SFI1: variants seen among roughly 807,000 people sequenced by gnomAD.
SFI1 encodes protein SFI1 homolog.
A neutral mutation model predicts 207.5 loss-of-function variants in SFI1; 195 were observed. That is an observed-to-expected ratio of 0.94 (90% CI 0.84 to 1.06). SFI1 has a LOEUF of 1.06. Ranked by LOEUF, SFI1 falls within the 50% of genes least tolerant of loss-of-function variation. The pLI is 0.00. For synonymous variants in SFI1, 630 were observed against 598.9 expected (o/e 1.05, Z -0.76); for missense variants, 1,634 against 1,588.0 (o/e 1.03, Z -0.49).
chr22:31,601,966 A>ATTTTTTTTTT (rs1221733548), intron 15 of SFI1, among the ~76,000 whole-genome samples: 5 of 151,408 alleles, frequency 3.3e-5, no homozygotes, highest in Middle Eastern at 3.4e-3. Flanking sequence ...CAATTTTAAA[A>ATTTTTTTTTT]TTTTTTTGTA....
chr22:31,603,220 G>A (rs1291077086), intron 17 of SFI1, among the ~76,000 whole-genome samples: 1 of 152,186 alleles, frequency 6.6e-6, no homozygotes, highest in Non-Finnish European at 1.5e-5. Context: ...GCAACAGAGC[G>A]AGACTCTGCC....
intron 8 of SFI1, among the ~76,000 whole-genome samples, chr22:31,563,596 T>G (rs2061954175): frequency 6.7e-6 from 1 of 149,764 alleles, no homozygotes; most frequent in African/African-American, 2.5e-5. Context: ...GTTGTTTGTT[T>G]TTTTGTTTTG....
chr22:31,598,619 C>CCA (rs1462427410), intron 15 of SFI1, among the ~76,000 whole-genome samples: 3 of 140,004 alleles, frequency 2.1e-5, no homozygotes, highest in South Asian at 4.8e-4. Flanking sequence ...CGGGGTTTCA[C>CCA]TGTTAGCCAG....
chr22:31,580,217 T>C, intron 11 of SFI1, 55 bp from the exon 12 acceptor site: 1 of 1,437,438 alleles, frequency 7.0e-7, no homozygotes, highest in Admixed American at 1.7e-5. Flanking sequence ...ACTCTTAGTT[T>C]ACAGACTCTA....
rs2072232354 is a variant in SFI1 at position 31,618,487 on chromosome 22, A to G, written c.*69A>G. 2 of 1,377,340 alleles carry G rather than the reference A, an allele frequency of 1.5e-6. No individual in the cohort carries two copies. The highest frequency in any genetic ancestry group is 2.6e-5 in the East Asian group (1 of 38,298). 85.3% of individuals were successfully genotyped at this position (1,377,340 alleles called of 1,614,324 possible). ...CTCAGGCCACCTCCAGGAACAGAAC[A>G]CAGTTTTAAGTTTGATTTTTTTTAT... On this transcript the variant is annotated 3_prime_UTR_variant, in exon 33 of 33. Coordinates refer to ENST00000400288, the MANE Select transcript of SFI1 (RefSeq NM_001007467.3).
Position 31,618,396 on chromosome 22 carries a change from C to G in SFI1, c.3707C>G (p.Ala1236Gly). 6.3e-7 allele frequency: 1 copy of G among 1,597,932 alleles called. No homozygotes were observed. Among genetic ancestry groups the G allele is most frequent in the Non-Finnish European group, 8.5e-7 (1 of 1,170,424 alleles). The change falls in exon 33 of 33, where the codon GCC becomes GGC. Residue 1236 changes from alanine (A) to glycine (G), a missense_variant. Transcript: ENST00000400288. ...GGCGCCTGCGTTGCCCGCATCCAGG[C>G]CCTGCGGCAGGCCCTGTGCTAGCGT... The part of the protein sequence containing the change: ...PIGACVARIQ[A>G]LRQALC
chr22:31,607,973 A>G lies in SFI1; in HGVS notation c.2194A>G (p.Met732Val). The G allele has an allele frequency of 3.7e-6, 6 of 1,613,886 alleles. No homozygotes were observed. Among genetic ancestry groups the G allele is most frequent in the Non-Finnish European group, 5.1e-6 (6 of 1,179,896 alleles). The part of the protein sequence containing the change: ...VQWREAVSVQ[M>V]YYRQQEDCAI... Reference sequence around the variant, plus strand: ...GTGGCGGGAAGCTGTGTCAGTGCAGATGTATTACCGACAGCAGGAGGACTG... The same window carrying G: ...GTGGCGGGAAGCTGTGTCAGTGCAGGTGTATTACCGACAGCAGGAGGACTG... Residue 732 changes from methionine (M) to valine (V), a missense_variant, in exon 22 of 33, where the codon ATG becomes GTG. Transcript: ENST00000400288.
In SFI1 at chr22:31,580,319, C is replaced by G. The variant is rs550530012; in HGVS notation, c.1203C>G (p.Leu401=). 1.3e-5 allele frequency: 21 copies of G among 1,614,016 alleles called. No individual in the cohort carries two copies. The South Asian group carries it at 2.1e-4, about 16-fold the overall frequency. ...AAGACAATGTGACCCACGCTCATCT[C>G]CAGCAAATAAGAAGGAATCTTGCTC... ...ALKDNVTHAH[L]QQIRRNLAHQ... The change falls in exon 12 of 33, where the codon CTC becomes CTG. Residue 401 remains leucine (L), a synonymous_variant. Transcript: ENST00000400288.
In SFI1 at chr22:31,603,835, G is replaced by T. The variant is rs752753380; in HGVS notation, c.1881+16G>T. The T allele has an allele frequency of 1.3e-6, 2 of 1,573,308 alleles. No homozygotes were observed. The highest frequency in any genetic ancestry group is 2.4e-5 in the East Asian group (1 of 41,488). On this transcript the variant is annotated intron_variant, in intron 18 of 32. Transcript: ENST00000400288. The stretch of plus-strand genomic sequence containing the variant: ...GTGGAGGGAGGTAAGGCTTTGGTGC[G>T]AGGTGCCACCCGTGTATGACTTTTG...
At chr22:31,510,327 T>A (rs1722778632) in intron 2 of SFI1, among the ~76,000 whole-genome samples, 1 of 152,152 alleles carries the variant, frequency 6.6e-6, no homozygotes, top group Non-Finnish European at 1.5e-5. Context: ...CCCAAAGTGC[T>A]GGGATTACAG....
chr22:31,593,129 G>A (rs2066376751), intron 15 of SFI1, among the ~76,000 whole-genome samples: 1 of 147,372 alleles, frequency 6.8e-6, no homozygotes, highest in African/African-American at 2.5e-5. Flanking sequence ...GCCGGGCGGG[G>A]GGCTGACCCC....
chr22:31,616,229 G>A (rs1345041869), intron 29 of SFI1: 1 of 152,582 alleles, frequency 6.6e-6, no homozygotes, highest in African/African-American at 2.4e-5. Flanking sequence ...TTCCTGTGGT[G>A]AGTTAGGCCA....
intron 2 of SFI1, among the ~76,000 whole-genome samples, chr22:31,509,674 T>A (rs961548114): frequency 2.0e-5 from 3 of 152,184 alleles, no homozygotes; most frequent in South Asian, 2.1e-4. Context: ...ATACTTTGCG[T>A]CCTTCAATTC....
At chr22:31,586,652 A>G (rs2065063043) in intron 14 of SFI1, among the ~76,000 whole-genome samples, 1 of 152,236 alleles carries the variant, frequency 6.6e-6, no homozygotes, top group East Asian at 1.9e-4. Context: ...CATGTAATAC[A>G]AGTTCACCAG....
chr22:31,532,559 T>G (rs2058628312), intron 4 of SFI1, among the ~76,000 whole-genome samples: 1 of 152,178 alleles, frequency 6.6e-6, no homozygotes, highest in African/African-American at 2.4e-5. Flanking sequence ...CTTACTGTAA[T>G]CTTTCCTGTT....
At position 31,528,044 on chromosome 22, in the gene SFI1, G is replaced by A. The variant is rs866528398; in HGVS notation, c.93-646G>A. On this transcript the variant is annotated intron_variant, in intron 2 of 32. Coordinates refer to ENST00000400288, the MANE Select transcript of SFI1 (RefSeq NM_001007467.3). ...CAGGAGAATTGCTTGAACCCGGGAGGCGGAGGTTAAACGAGCTGAGATCGC... is the reference window on the plus strand; with the variant it reads ...CAGGAGAATTGCTTGAACCCGGGAGACGGAGGTTAAACGAGCTGAGATCGC... 7.2e-5 allele frequency among the ~76,000 whole-genome samples: 11 copies of A among 152,186 alleles called. 1 individual carries two copies. In the Middle Eastern group the frequency reaches 0.024, roughly 329 times the overall value.
At chr22:31,523,550 G>C (rs564697519) in intron 2 of SFI1, among the ~76,000 whole-genome samples, 5 of 152,186 alleles carry the variant, frequency 3.3e-5, no homozygotes, top group African/African-American at 1.2e-4. Flanking sequence ...ATAGTAAACA[G>C]TTTGTCTTTA....
intron 4 of SFI1, among the ~76,000 whole-genome samples, chr22:31,537,582 C>G (rs2059113912): frequency 6.6e-6 from 1 of 152,142 alleles, no homozygotes; most frequent in African/African-American, 2.4e-5. Flanking sequence ...GGTTCTAACC[C>G]AGGCCCTAGC....
At chr22:31,588,522 C>T (rs892859063) in intron 14 of SFI1, among the ~76,000 whole-genome samples, 2 of 152,182 alleles carry the variant, frequency 1.3e-5, no homozygotes, top group Non-Finnish European at 1.5e-5. Context: ...TTTAAAACCT[C>T]TACACATTTG....
Sources: allele counts gnomAD v4.1 joint callset (sites outside exome capture counted in the v4.1 genomes callset), GRCh38; gene constraint gnomAD v4.1.1; transcripts MANE v1.5; gene names NCBI Gene and HGNC (gene_info 2026-07-23, HGNC 2026-07-21).